Variants in SERPINE2 observed in about 807,000 individuals in gnomAD.
SERPINE2 encodes glia-derived nexin.
A neutral mutation model predicts 36.3 loss-of-function variants in SERPINE2; 14 were observed. That is an observed-to-expected ratio of 0.39 (90% CI 0.25 to 0.60). SERPINE2 has a LOEUF of 0.60. Ranked by LOEUF, SERPINE2 falls within the 20% of genes least tolerant of loss-of-function variation. The probability of loss-of-function intolerance (pLI) is 0.57; values close to 1 mark genes in which losing one functional copy is unlikely to be tolerated. For missense variants in SERPINE2, 418 were observed against 499.6 expected (o/e 0.84, Z 1.56); for synonymous variants, 192 against 191.8 (o/e 1.00, Z -0.01).
intron 4 of SERPINE2, among the ~76,000 whole-genome samples, chr2:223,991,143 C>A (rs1690650035): frequency 6.6e-6 from 1 of 152,164 alleles, no homozygotes; most frequent in African/African-American, 2.4e-5. Context: ...TTTCTGAAAT[C>A]AATCATATAT....
chr2:224,037,294 T>C (rs967444710), intron 1 of SERPINE2, among the ~76,000 whole-genome samples: 2 of 152,196 alleles, frequency 1.3e-5, no homozygotes, highest in African/African-American at 4.8e-5. Context: ...CAAAGTCACC[T>C]GCCAAACCCG....
intron 1 of SERPINE2, among the ~76,000 whole-genome samples, chr2:224,007,324 G>C (rs2106173721): frequency 6.6e-6 from 1 of 152,010 alleles, no homozygotes; most frequent in East Asian, 1.9e-4. Flanking sequence ...CTCTATAAAA[G>C]GTTTAAAGTG....
intron 1 of SERPINE2, chr2:224,030,146 A>C (rs1692313680): frequency 1.0e-6 from 1 of 985,466 alleles, no homozygotes; most frequent in African/African-American, 1.7e-5. Context: ...TGGAGTCAGA[A>C]GGAGGTTATT....
intron 1 of SERPINE2, among the ~76,000 whole-genome samples, chr2:224,006,519 A>G (rs1530021): frequency 0.68 from 103,505 of 151,968 alleles, 35,742 homozygotes; most frequent in Non-Finnish European, 0.75. Context: ...TTGAATTCCT[A>G]TAGCATTTCC....
chr2:224,001,736 G>C lies in SERPINE2; in HGVS notation c.165C>G (p.Pro55=), dbSNP rs373184739. The C allele has an allele frequency of 1.9e-6, 3 of 1,614,052 alleles. No individual in the cohort carries two copies. Among genetic ancestry groups the C allele is most frequent in the East Asian group, 4.5e-5 (2 of 44,874 alleles). Residue 55 remains proline, a synonymous_variant, in exon 2 of 9, where the codon CCC becomes CCG. Coordinates refer to ENST00000409304, the MANE Select transcript of SERPINE2 (RefSeq NM_001136528.2). Reference sequence around the variant, plus strand: ...TCCCCAGGACCGACGCAATCCCATGGGGAGAGATCACGATGTTGTCATGAG... The same window carrying C: ...TCCCCAGGACCGACGCAATCCCATGCGGAGAGATCACGATGTTGTCATGAG... ...SRPHDNIVIS[P]HGIASVLGML... is the part of the protein sequence containing the mutation.
In SERPINE2 at chr2:223,991,770, T is replaced by G. The variant is rs140076355; in HGVS notation, c.685+33A>C. The G allele has an allele frequency of 1.4e-4, 219 of 1,609,138 alleles. 1 individual carries two copies. The African/African-American group carries it at 2.3e-3, about 17-fold the overall frequency. ...CAAGGGCCTTTCTGCCGCCAGCACA[T>G]CCTAGAACAGGCTTCGCTGAGCATG... On this transcript the variant is annotated intron_variant, in intron 4 of 8. Transcript: ENST00000409304.
intron 6 of SERPINE2, chr2:223,981,843 C>T (rs1350406216): frequency 1.3e-5 from 2 of 151,880 alleles, no homozygotes; most frequent in South Asian, 2.1e-4. Flanking sequence ...GAATTTATAT[C>T]GTTTCATATT....
chr2:224,019,366 G>T (rs1397824373), intron 1 of SERPINE2, among the ~76,000 whole-genome samples: 1 of 152,154 alleles, frequency 6.6e-6, no homozygotes, highest in Non-Finnish European at 1.5e-5. Context: ...CCAATTTTCA[G>T]ACTGCAGGTA....
intron 2 of SERPINE2, among the ~76,000 whole-genome samples, chr2:224,000,751 T>C (rs577421912): frequency 6.9e-4 from 105 of 152,264 alleles, no homozygotes; most frequent in African/African-American, 2.3e-3. Flanking sequence ...GTGTTCTCAT[T>C]GTTCAACTCC....
Position 224,005,065 on chromosome 2 carries a change from T to TTATATATTTATATATATATATATATA in SERPINE2, c.-22-3144_-22-3143insTATATATATATATATATAAATATATA, listed in dbSNP as rs1553547022. On this transcript the variant is annotated intron_variant, in intron 1 of 8. Transcript: ENST00000409304. ...ATATATTTTATATATTTTATATATA[T>TTATATATTTATATATATATATATATA]TATATATATATATATATATATATAT... Among the ~76,000 whole-genome samples the TTATATATTTATATATATATATATATA allele has an allele frequency of 2.2e-3, 75 of 33,502 alleles. 6 individuals are homozygous for TTATATATTTATATATATATATATATA. The highest frequency in any genetic ancestry group is 0.017 in the East Asian group (25 of 1,462). The allele number at this position is 33,502 out of a possible 152,430, so 22.0% of individuals were successfully genotyped here.
Position 223,983,085 on chromosome 2 carries a change from C to G in SERPINE2, c.885-304G>C, listed in dbSNP as rs114250493. 3.5e-3 allele frequency among the ~76,000 whole-genome samples: 531 copies of G among 152,300 alleles called. 3 individuals are homozygous for G. The highest frequency in any genetic ancestry group is 0.012 in the African/African-American group (515 of 41,572). Reference sequence around the variant, plus strand: ...ATCTACAAACATACTTTCTTTTATACTGACGTGGAGGTTGAGTGTTAACAA... The same window carrying G: ...ATCTACAAACATACTTTCTTTTATAGTGACGTGGAGGTTGAGTGTTAACAA... On this transcript the variant is annotated intron_variant, in intron 5 of 8. Transcript: ENST00000409304.
At chr2:223,985,515 C>G (rs768482838) in intron 4 of SERPINE2, among the ~76,000 whole-genome samples, 5 of 152,160 alleles carry the variant, frequency 3.3e-5, no homozygotes, top group Non-Finnish European at 5.9e-5. Context: ...TTTATTACCT[C>G]TAGTCCTCAT....
In SERPINE2 at chr2:224,002,062, C is replaced by T. The variant is rs1381664543; in HGVS notation, c.-22-140G>A. 4.8e-5 allele frequency: 36 copies of T among 749,568 alleles called. 1 individual carries two copies. The highest frequency in any genetic ancestry group is 2.1e-4 in the Admixed American group (7 of 34,060). The allele number at this position is 749,568 out of a possible 1,614,324, so 46.4% of individuals were successfully genotyped here. ...TGCCATCTCAGCTCACTGCAACCTC[C>T]GCCTCCTGGGTTCAAGCAATTCTCC... On this transcript the variant is annotated intron_variant, in intron 1 of 8. Transcript: ENST00000409304.
At chr2:223,996,662 A>G (rs1350479828) in intron 3 of SERPINE2, among the ~76,000 whole-genome samples, 2 of 152,240 alleles carry the variant, frequency 1.3e-5, no homozygotes, top group Non-Finnish European at 2.9e-5. Flanking sequence ...CATAGCCCAG[A>G]TAATTCTGAT....
Position 223,975,560 on chromosome 2 carries a change from C to G in SERPINE2, c.*307G>C, listed in dbSNP as rs567113003. The G allele has an allele frequency of 1.3e-4, 36 of 269,406 alleles. No individual in the cohort carries two copies. Among genetic ancestry groups the G allele is most frequent in the Non-Finnish European group, 2.1e-4 (30 of 145,728 alleles). 16.7% of individuals were successfully genotyped at this position (269,406 alleles called of 1,614,324 possible). On this transcript the variant is annotated 3_prime_UTR_variant, in exon 9 of 9. Coordinates refer to ENST00000409304, the MANE Select transcript of SERPINE2 (RefSeq NM_001136528.2). ...ACAAAACAAAACAAAAATTCCTGAA[C>G]TGGACAAACAGCAAATACTCAACAG... is the stretch of plus-strand genomic sequence containing the variant.
intron 5 of SERPINE2, among the ~76,000 whole-genome samples, chr2:223,983,550 G>A (rs1399774898): frequency 1.3e-5 from 2 of 152,048 alleles, no homozygotes; most frequent in African/African-American, 4.8e-5. Context: ...ACCACGCCCA[G>A]CCCCTTTTGA....
intron 5 of SERPINE2, among the ~76,000 whole-genome samples, chr2:223,983,226 G>C (rs1690290061): frequency 6.6e-6 from 1 of 152,288 alleles, no homozygotes; most frequent in East Asian, 1.9e-4. Flanking sequence ...ATGGTCAAAA[G>C]AGAGGAGAAA....
intron 6 of SERPINE2, 51 bp from the exon 7 acceptor site, chr2:223,980,448 T>C (rs1252098073): frequency 6.6e-7 from 1 of 1,521,638 alleles, no homozygotes; most frequent in Admixed American, 1.7e-5. Context: ...AGGCAGGCCA[T>C]TGGTTGGTTG....
chr2:223,989,983 G>T (rs887210955), intron 4 of SERPINE2, among the ~76,000 whole-genome samples: 9 of 152,190 alleles, frequency 5.9e-5, no homozygotes, highest in African/African-American at 1.7e-4. Context: ...GGGCTGGGAG[G>T]GAGGAAGAGA....
Sources: allele counts gnomAD v4.1 joint callset (sites outside exome capture counted in the v4.1 genomes callset), GRCh38; gene constraint gnomAD v4.1.1; transcripts MANE v1.5; gene names NCBI Gene and HGNC (gene_info 2026-07-23, HGNC 2026-07-21).